SAMD4A: variants seen among roughly 807,000 people sequenced by gnomAD.
The protein encoded by SAMD4A is protein Smaug homolog 1.
A neutral mutation model predicts 81.3 loss-of-function variants in SAMD4A; 33 were observed. The ratio of observed to expected loss-of-function variants is 0.41; its 90% confidence interval spans 0.31 to 0.54. The LOEUF is 0.54. SAMD4A is among the 20% of genes least tolerant of loss of function. The pLI is 0.37. For synonymous variants in SAMD4A, 389 were observed against 382.1 expected (o/e 1.02, Z -0.21); for missense variants, 854 against 951.1 (o/e 0.90, Z 1.34).
chr14:54,736,600 G>A (rs2037700114), intron 3 of SAMD4A, among the ~76,000 whole-genome samples: 1 of 152,228 alleles, frequency 6.6e-6, no homozygotes, highest in Non-Finnish European at 1.5e-5. Flanking sequence ...TGAACAACAT[G>A]GGTAATGTCA....
Position 54,660,385 on chromosome 14 carries a change from T to C in SAMD4A, c.197-41677T>C, listed in dbSNP as rs187962752. On this transcript the variant is annotated intron_variant, in intron 2 of 12. Transcript: ENST00000554335. ...GGCAGTTGTCACTCAACCATCCGCT[T>C]CTCTGGAGGTCCATTTGCCCCAGCA... Among the ~76,000 whole-genome samples, 197 of 152,320 alleles carry C rather than the reference T, an allele frequency of 1.3e-3. 1 individual carries two copies. Among genetic ancestry groups the C allele is most frequent in the African/African-American group, 4.5e-3 (186 of 41,568 alleles).
intron 2 of SAMD4A, among the ~76,000 whole-genome samples, chr14:54,698,796 C>G (rs535662961): frequency 6.6e-6 from 1 of 152,230 alleles, no homozygotes; most frequent in Non-Finnish European, 1.5e-5. Flanking sequence ...AGCGGCCTCT[C>G]GTTTTCCTTC....
chr14:54,644,222 G>A (rs1041089850), intron 2 of SAMD4A, among the ~76,000 whole-genome samples: 16 of 152,166 alleles, frequency 1.1e-4, no homozygotes, highest in African/African-American at 3.6e-4. Context: ...GGACAGAGAG[G>A]TGTATCTTGT....
intron 2 of SAMD4A, among the ~76,000 whole-genome samples, chr14:54,596,307 G>A (rs1324046769): frequency 6.6e-6 from 1 of 152,156 alleles, no homozygotes; most frequent in African/African-American, 2.4e-5. Context: ...GAAAGGGGCC[G>A]GGCGCAGTGG....
rs1414510245 is a variant in SAMD4A, at chr14:54,595,608, G to A, written c.196+27496G>A. ...TCACTCTAGTGTCCCTCTTAATGCA[G>A]ATTTTTAGTTTACGATACTTAGATA... is the stretch of plus-strand genomic sequence containing the variant. On this transcript the variant is annotated intron_variant, in intron 2 of 12. Transcript: ENST00000554335. Among the ~76,000 whole-genome samples, 5 of 152,078 alleles carry A rather than the reference G, an allele frequency of 3.3e-5. No homozygotes were observed. In the East Asian group the frequency reaches 9.6e-4, roughly 29 times the overall value.
intron 9 of SAMD4A, among the ~76,000 whole-genome samples, chr14:54,772,176 CAAATTAATT>C (rs976808338): frequency 1.3e-5 from 2 of 152,144 alleles, no homozygotes; most frequent in Non-Finnish European, 2.9e-5. Context: ...TCACAAATCC[CAAATTAATT>C]GGTTCTTATT....
At chr14:54,704,669 A>G (rs903453789) in intron 3 of SAMD4A, among the ~76,000 whole-genome samples, 8 of 152,240 alleles carry the variant, frequency 5.3e-5, no homozygotes, top group African/African-American at 1.7e-4. Context: ...TGACTAGCTG[A>G]CATACCTCTG....
At chr14:54,759,849 G>T (rs1485288624) in intron 6 of SAMD4A, among the ~76,000 whole-genome samples, 3 of 152,158 alleles carry the variant, frequency 2.0e-5, no homozygotes, top group Admixed American at 2.0e-4. Flanking sequence ...ATGTATAACT[G>T]CATTTTACAG....
intron 7 of SAMD4A, among the ~76,000 whole-genome samples, chr14:54,763,813 G>C (rs1365381660): frequency 6.6e-6 from 1 of 152,208 alleles, no homozygotes; most frequent in African/African-American, 2.4e-5. Flanking sequence ...CCTAGTGCGT[G>C]TGTATACTCT....
At chr14:54,638,994 C>T (rs554881529) in intron 2 of SAMD4A, among the ~76,000 whole-genome samples, 1 of 152,122 alleles carries the variant, frequency 6.6e-6, no homozygotes, top group African/African-American at 2.4e-5. Context: ...GTTTATTAAC[C>T]TTAGGGCACA....
rs571107224 is a variant in SAMD4A, at chr14:54,784,194, A to G, written c.2045-343A>G. ...GAGAGAGCTGTATGAGGGTACAGAG[A>G]TAACAAGGGCCTGGATCATGCGGGG... On this transcript the variant is annotated intron_variant, in intron 11 of 12. Coordinates refer to ENST00000554335, the MANE Select transcript of SAMD4A (RefSeq NM_015589.6). The G allele has an allele frequency of 5.7e-5, 37 of 649,646 alleles. 1 individual carries two copies. The South Asian group carries it at 6.6e-4, about 12-fold the overall frequency. The allele number at this position is 649,646 out of a possible 1,614,324, so 40.2% of individuals were successfully genotyped here. A position where few individuals can be genotyped will look rare whatever the true frequency, so the allele number is the denominator to read the frequency against.
intron 2 of SAMD4A, among the ~76,000 whole-genome samples, chr14:54,597,807 C>T (rs368403304): frequency 2.0e-5 from 3 of 151,798 alleles, no homozygotes; most frequent in Non-Finnish European, 2.9e-5. Flanking sequence ...GCCCAGGTCT[C>T]GAACTCCTGG....
intron 9 of SAMD4A, among the ~76,000 whole-genome samples, chr14:54,772,391 G>T (rs1301746779): frequency 6.6e-6 from 1 of 152,180 alleles, no homozygotes; most frequent in Non-Finnish European, 1.5e-5. Flanking sequence ...TGCCAGCAGT[G>T]GCAACCCTCT....
chr14:54,633,960 T>C (rs887902102), intron 2 of SAMD4A, among the ~76,000 whole-genome samples: 2 of 152,080 alleles, frequency 1.3e-5, no homozygotes, highest in Non-Finnish European at 2.9e-5. Context: ...TTTGGAACAG[T>C]ATTTGGCACA....
intron 2 of SAMD4A, among the ~76,000 whole-genome samples, chr14:54,602,636 G>A (rs895389957): frequency 2.0e-5 from 3 of 151,816 alleles, no homozygotes; most frequent in African/African-American, 4.8e-5. Flanking sequence ...ATCACACACC[G>A]GGGCCTGTTG....
upstream of SAMD4A, among the ~76,000 whole-genome samples, chr14:54,566,744 C>A (rs2140088894): frequency 6.6e-6 from 1 of 151,956 alleles, no homozygotes; most frequent in South Asian, 2.1e-4. Context: ...ATGCCTGCCA[C>A]ACACGCGCGC....
intron 2 of SAMD4A, among the ~76,000 whole-genome samples, chr14:54,686,642 G>GA (rs1309369187): frequency 6.6e-6 from 1 of 151,816 alleles, no homozygotes; most frequent in Non-Finnish European, 1.5e-5. Context: ...TTATGAATGT[G>GA]AAAAAAAGAA....
chr14:54,723,094 T>C (rs1465914643), intron 3 of SAMD4A, among the ~76,000 whole-genome samples: 2 of 48,156 alleles, frequency 4.2e-5, no homozygotes, highest in Non-Finnish European at 1.3e-4. Context: ...TATCTTATAT[T>C]TTTAAATAGA....
rs994211348 is a variant in SAMD4A, at chr14:54,790,919, T to C, written c.*1975T>C. 5 of 151,924 alleles carry C rather than the reference T, an allele frequency of 3.3e-5. No homozygotes were observed. Among genetic ancestry groups the C allele is most frequent in the East Asian group, 3.9e-4 (2 of 5,194 alleles). The allele number at this position is 151,924 out of a possible 1,614,324, so 9.4% of individuals were successfully genotyped here. A position where few individuals can be genotyped will look rare whatever the true frequency, so the allele number is the denominator to read the frequency against. ...TTTGAGTCTAAGAAGGTGAGAACAA[T>C]GTAACCATAGAAAGCCTTTCGTGAG... On this transcript the variant is annotated 3_prime_UTR_variant, in exon 13 of 13. Coordinates refer to ENST00000554335, the MANE Select transcript of SAMD4A (RefSeq NM_015589.6).
Sources: allele counts gnomAD v4.1 joint callset (sites outside exome capture counted in the v4.1 genomes callset), GRCh38; gene constraint gnomAD v4.1.1; transcripts MANE v1.5; gene names NCBI Gene and HGNC (gene_info 2026-07-23, HGNC 2026-07-21).